Variants in LOXHD1 observed in about 807,000 individuals in gnomAD.
LOXHD1 encodes lipoxygenase homology domain-containing protein 1.
In LOXHD1, 205 loss-of-function variants were observed where a neutral mutation model predicts 248.2. The ratio of observed to expected loss-of-function variants is 0.83; its 90% CI spans 0.74 to 0.93. The LOEUF (loss-of-function observed/expected upper bound fraction) is 0.93. LOXHD1 is among the 40% of genes least tolerant of loss of function. LOXHD1 has a pLI of 0.00. For missense variants in LOXHD1, 2,930 were observed against 2,971.6 expected (o/e 0.99, Z 0.33); for synonymous variants, 1,113 against 1,162.8 (o/e 0.96, Z 0.87).
chr18:46,535,878 C>G (rs2036289778), intron 26 of LOXHD1, among the ~76,000 whole-genome samples: 2 of 152,154 alleles, frequency 1.3e-5, no homozygotes, highest in African/African-American at 2.4e-5. Context: ...GTGGTCATCT[C>G]AGTTCTAACG....
intron 38 of LOXHD1, among the ~76,000 whole-genome samples, chr18:46,485,475 G>A (rs1320530226): frequency 1.3e-5 from 2 of 152,120 alleles, no homozygotes; most frequent in Non-Finnish European, 2.9e-5. Context: ...GTGCTGAGAA[G>A]GGACAAGAAG....
At chr18:46,648,261 A>AC (rs2039058221) in intron 2 of LOXHD1, among the ~76,000 whole-genome samples, 1 of 152,116 alleles carries the variant, frequency 6.6e-6, no homozygotes. Context: ...CCATCTCAAA[A>AC]CAAAACAAAA....
At chr18:46,631,433 T>C (rs561625910) in intron 4 of LOXHD1, among the ~76,000 whole-genome samples, 21 of 152,276 alleles carry the variant, frequency 1.4e-4, no homozygotes, top group African/African-American at 5.1e-4. Flanking sequence ...TACATATCCC[T>C]GATTGCAGAA....
At chr18:46,579,826 G>T in intron 12 of LOXHD1, 42 bp from the exon 13 acceptor site, 1 of 1,531,402 alleles carries the variant, frequency 6.5e-7, no homozygotes. Context: ...ACAGCCCCCT[G>T]CTTCCCATCC....
chr18:46,579,313 G>A (rs573399075), intron 13 of LOXHD1, among the ~76,000 whole-genome samples: 1 of 152,270 alleles, frequency 6.6e-6, no homozygotes, highest in East Asian at 1.9e-4. Flanking sequence ...TCAGGGGTGG[G>A]GGAGAACCAT....
At chr18:46,567,079 T>C (rs1040253071) in intron 16 of LOXHD1, among the ~76,000 whole-genome samples, 1 of 152,230 alleles carries the variant, frequency 6.6e-6, no homozygotes, top group Non-Finnish European at 1.5e-5. Context: ...TTTGCCCCCA[T>C]GGGCAACATA....
intron 40 of LOXHD1, among the ~76,000 whole-genome samples, chr18:46,482,165 C>A (rs2032633434): frequency 6.6e-6 from 1 of 152,190 alleles, no homozygotes; most frequent in South Asian, 2.1e-4. Flanking sequence ...GCTGGGCTTT[C>A]TCTAAAAGAG....
At chr18:46,496,277 T>C (rs1425455272) in intron 37 of LOXHD1, among the ~76,000 whole-genome samples, 1 of 152,200 alleles carries the variant, frequency 6.6e-6, no homozygotes, top group Non-Finnish European at 1.5e-5. Flanking sequence ...ACACTATTAA[T>C]CTTCACTTTT....
At position 46,477,506 on chromosome 18, in the gene LOXHD1, C is replaced by G. The variant is rs1467220883; in HGVS notation, c.6788G>C (p.Gly2263Ala). Residue 2263 changes from glycine (G) to alanine (A), a missense_variant, in exon 41 of 41, where the codon GGA (glycine) becomes GCA (alanine). Transcript: ENST00000642948. ...GRWLDKKRGD[G>A]LTWRDLFPSV Reference sequence around the variant, plus strand: ...AGGGAAGAGGTCTCTCCAGGTGAGTCCATCCCCCCGCTTCTTGTCCAGCCA... The same window carrying G: ...AGGGAAGAGGTCTCTCCAGGTGAGTGCATCCCCCCGCTTCTTGTCCAGCCA... The G allele has an allele frequency of 1.2e-5, 19 of 1,550,426 alleles. No individual in the cohort carries two copies. Among genetic ancestry groups the G allele is most frequent in the Non-Finnish European group, 1.7e-5 (19 of 1,146,912 alleles).
chr18:46,561,423 C>T (rs555604287), intron 18 of LOXHD1, among the ~76,000 whole-genome samples: 9 of 152,290 alleles, frequency 5.9e-5, no homozygotes, highest in Non-Finnish European at 1.2e-4. Context: ...GAGGAAGGAC[C>T]CACATTAAGG....
intron 40 of LOXHD1, among the ~76,000 whole-genome samples, chr18:46,482,712 G>T (rs554007135): frequency 6.6e-6 from 1 of 152,338 alleles, no homozygotes; most frequent in South Asian, 2.1e-4. Context: ...GCTCTGCCTA[G>T]GTCCAGCCTG....
At position 46,566,449 on chromosome 18, in the gene LOXHD1, T is replaced by G. The variant is rs1380497042; in HGVS notation, c.2245A>C (p.Ile749Leu). 1 of 1,548,666 alleles carries G rather than the reference T, an allele frequency of 6.5e-7. No homozygotes were observed. Among genetic ancestry groups the G allele is most frequent in the African/African-American group, 1.4e-5 (1 of 73,022 alleles). ...FTLETLNIGNINRLVIGHDST... is the reference protein window; with the variant it reads ...FTLETLNIGNLNRLVIGHDST... Reference sequence around the variant, plus strand: ...TCATGCCCAATCACCAGCCGGTTGATCTGAAGGAAACCCGAGTGAGGGTGA... The same window carrying G: ...TCATGCCCAATCACCAGCCGGTTGAGCTGAAGGAAACCCGAGTGAGGGTGA... The change falls in exon 17 of 41, where the codon ATC (isoleucine) becomes CTC (leucine). Residue 749 changes from isoleucine to leucine, a missense_variant and splice_region_variant. Physicochemically the swap from Ile to Leu is conservative, Grantham distance 5. Transcript: ENST00000642948.
chr18:46,558,806 T>C (rs1420582910), intron 20 of LOXHD1, among the ~76,000 whole-genome samples: 1 of 152,162 alleles, frequency 6.6e-6, no homozygotes, highest in Non-Finnish European at 1.5e-5. Context: ...GGTATGTGTA[T>C]TTCTTTTCAT....
At chr18:46,634,213 T>G (rs1606889) in intron 4 of LOXHD1, among the ~76,000 whole-genome samples, 46,929 of 152,106 alleles carry the variant, frequency 0.31, 7,347 homozygotes, top group East Asian at 0.38. Context: ...ATAAGTTGTG[T>G]TATACCCATA....
At chr18:46,509,881 G>C (rs2034851904) in intron 34 of LOXHD1, 66 bp from the exon 35 acceptor site, 1 of 1,099,182 alleles carries the variant, frequency 9.1e-7, no homozygotes, top group Non-Finnish European at 1.4e-6. Context: ...GGGTGGGCCA[G>C]GCCAGAGGCC....
intron 7 of LOXHD1, among the ~76,000 whole-genome samples, chr18:46,603,095 A>C (rs1470820437): frequency 1.3e-5 from 2 of 152,194 alleles, no homozygotes; most frequent in East Asian, 3.9e-4. Flanking sequence ...GAACAGCAGC[A>C]ATAAAGGTCT....
intron 6 of LOXHD1, among the ~76,000 whole-genome samples, chr18:46,608,982 G>C (rs979078549): frequency 1.3e-5 from 2 of 152,224 alleles, no homozygotes; most frequent in African/African-American, 4.8e-5. Flanking sequence ...TTTCACTGCA[G>C]CTAGGGTGTC....
chr18:46,613,619 A>C (rs1348780049), intron 5 of LOXHD1, among the ~76,000 whole-genome samples: 1 of 152,074 alleles, frequency 6.6e-6, no homozygotes, highest in Admixed American at 6.5e-5. Context: ...TAGCTGGACT[A>C]TTTCTTTTGT....
intron 19 of LOXHD1, 35 bp downstream of exon 19, chr18:46,560,048 T>TGGCGGGCCCCC: frequency 8.2e-7 from 1 of 1,226,292 alleles, no homozygotes; most frequent in Middle Eastern, 2.1e-4. Flanking sequence ...GTCTGGCCAC[T>TGGCGGGCCCCC]CCCTCCCCAC....
Sources: gnomAD v4.1 joint callset for allele counts (sites outside exome capture counted in the v4.1 genomes callset) on GRCh38, gnomAD v4.1.1 for gene constraint, MANE v1.5 for transcripts, NCBI Gene and HGNC (gene_info 2026-07-23, HGNC 2026-07-21) for gene names.